RORA: variants seen among roughly 807,000 people sequenced by gnomAD.
The protein encoded by RORA is nuclear receptor ROR-alpha.
In RORA, 7 loss-of-function variants were observed where a neutral mutation model predicts 69.5. The observed-to-expected ratio is 0.10, with a 90% CI of 0.06 to 0.19. The LOEUF (loss-of-function observed/expected upper bound fraction) is 0.19, where lower values mean the gene tolerates loss of function less well. RORA is among the 10% of genes least tolerant of loss of function. The pLI, the probability that RORA is intolerant of heterozygous loss-of-function variation, is 1.00. For missense variants in RORA, 457 were observed against 663.0 expected (o/e 0.69, Z 3.41); for synonymous variants, 261 against 240.8 (o/e 1.08, Z -0.78).
intron 1 of RORA, among the ~76,000 whole-genome samples, chr15:61,091,030 G>A (rs1195566162): frequency 6.6e-6 from 1 of 152,168 alleles, no homozygotes. Flanking sequence ...GGTAACATCT[G>A]CTTCGGAAAC....
At chr15:60,677,849 C>T (rs1233992560) in intron 2 of RORA, among the ~76,000 whole-genome samples, 2 of 152,180 alleles carry the variant, frequency 1.3e-5, no homozygotes, top group Admixed American at 6.5e-5. Flanking sequence ...ATAGGTAGCA[C>T]GTATCCGTGG....
At chr15:60,793,095 G>A (rs1258636385) in intron 1 of RORA, among the ~76,000 whole-genome samples, 1 of 151,966 alleles carries the variant, frequency 6.6e-6, no homozygotes, top group East Asian at 1.9e-4. Flanking sequence ...GTGACCTTGG[G>A]CAAAAAGTTA....
chr15:60,724,817 C>T lies in RORA; in HGVS notation c.167-46131G>A, dbSNP rs2071336664. Among the ~76,000 whole-genome samples the T allele has an allele frequency of 2.0e-5, 3 of 152,146 alleles. No homozygotes were observed. The South Asian group carries it at 6.2e-4, about 32-fold the overall frequency. ...GTGGGTTGACTGAATGAATGAGGGT[C>T]CCACCACTTTCCGGTGAATACTGTG... is the stretch of plus-strand genomic sequence containing the variant. On this transcript the variant is annotated intron_variant, in intron 1 of 10. Transcript: ENST00000335670.
intron 1 of RORA, among the ~76,000 whole-genome samples, chr15:60,871,742 G>A (rs531713271): frequency 3.9e-5 from 6 of 152,126 alleles, no homozygotes; most frequent in Non-Finnish European, 7.3e-5. Context: ...CCACAACCAT[G>A]CATAATTAAA....
chr15:61,055,512 C>G (rs1044377390), intron 1 of RORA, among the ~76,000 whole-genome samples: 3 of 152,176 alleles, frequency 2.0e-5, no homozygotes, highest in Non-Finnish European at 4.4e-5. Context: ...CCTACAATGC[C>G]TTGCAGGTGT....
chr15:60,575,414 G>C (rs2067997076), intron 2 of RORA, among the ~76,000 whole-genome samples: 1 of 152,174 alleles, frequency 6.6e-6, no homozygotes, highest in East Asian at 1.9e-4. Flanking sequence ...CATAGGTCCA[G>C]TTTACCTCTG....
chr15:60,992,357 G>A (rs777907557), intron 1 of RORA, among the ~76,000 whole-genome samples: 3 of 151,620 alleles, frequency 2.0e-5, no homozygotes, highest in Middle Eastern at 3.4e-3. Context: ...CACTTACGGA[G>A]GGAAATCTAG....
intron 2 of RORA, among the ~76,000 whole-genome samples, chr15:60,539,775 G>A (rs1195910292): frequency 2.6e-5 from 4 of 151,602 alleles, no homozygotes; most frequent in South Asian, 2.1e-4. Flanking sequence ...ACAACAGAAC[G>A]TATTTGTTGT....
intron 1 of RORA, among the ~76,000 whole-genome samples, chr15:60,943,686 T>TG (rs1044979852): frequency 6.7e-6 from 1 of 149,532 alleles, no homozygotes; most frequent in Admixed American, 6.6e-5. Flanking sequence ...GAGGCTGAGG[T>TG]GGGGGGATTG....
At chr15:61,021,833 C>T (rs1290486124) in intron 1 of RORA, among the ~76,000 whole-genome samples, 1 of 152,204 alleles carries the variant, frequency 6.6e-6, no homozygotes, top group Non-Finnish European at 1.5e-5. Flanking sequence ...TATGAACATC[C>T]TACCTGCGGT....
intron 2 of RORA, among the ~76,000 whole-genome samples, chr15:60,609,842 C>G (rs1474418816): frequency 2.0e-5 from 3 of 152,108 alleles, no homozygotes; most frequent in Non-Finnish European, 4.4e-5. Flanking sequence ...GGCTGAATGG[C>G]TGGACTCTGT....
rs755386093 is a variant in RORA, at chr15:60,502,761, T to C, written c.1182A>G (p.Leu394=). The C allele has an allele frequency of 1.9e-5, 31 of 1,600,466 alleles. No homozygotes were observed. In the Admixed American group the frequency reaches 5.0e-4, roughly 26 times the overall value. The change falls in exon 8 of 11, where the codon TTA becomes TTG. Residue 394 remains leucine (L), a splice_region_variant and synonymous_variant. Coordinates refer to ENST00000335670, the MANE Select transcript of RORA (RefSeq NM_134261.3). The part of the protein sequence containing the change: ...KYASPDVFKS[L]GCEDFISFVF... ...AAAGGCACCTTGATATCCCCTTACC[T>C]AAGGATTTGAAGACGTCGGGGCTGG...
At chr15:61,013,256 G>A (rs1895148623) in intron 1 of RORA, among the ~76,000 whole-genome samples, 1 of 152,182 alleles carries the variant, frequency 6.6e-6, no homozygotes, top group South Asian at 2.1e-4. Context: ...ACATCTTCTT[G>A]TAAATAGAGT....
chr15:61,130,677 A>G (rs1369520878), intron 1 of RORA, among the ~76,000 whole-genome samples: 1 of 152,232 alleles, frequency 6.6e-6, no homozygotes, highest in Non-Finnish European at 1.5e-5. Flanking sequence ...TAAATGAGAA[A>G]AACACAGGTA....
intron 2 of RORA, among the ~76,000 whole-genome samples, chr15:60,604,578 C>T (rs1454676255): frequency 1.3e-5 from 2 of 152,162 alleles, no homozygotes; most frequent in Admixed American, 6.5e-5. Flanking sequence ...AGGAAACATA[C>T]CTGTCTTACT....
At chr15:60,503,317 A>G (rs2065388842) in intron 7 of RORA, among the ~76,000 whole-genome samples, 1 of 152,136 alleles carries the variant, frequency 6.6e-6, no homozygotes. Flanking sequence ...GTGACCTTCA[A>G]ATTAATCTTT....
intron 1 of RORA, among the ~76,000 whole-genome samples, chr15:60,978,959 C>CTTTTTTTTT (rs1555399125): frequency 2.0e-5 from 1 of 48,978 alleles, no homozygotes; most frequent in Non-Finnish European, 4.3e-5. Context: ...TCCAACTTTG[C>CTTTTTTTTT]TCTTTTTTTT....
In RORA at chr15:61,131,363, T is replaced by C. The variant is rs1235012945; in HGVS notation, c.166+97690A>G. On this transcript the variant is annotated intron_variant, in intron 1 of 10. Coordinates refer to ENST00000335670, the MANE Select transcript of RORA (RefSeq NM_134261.3). This position sits in a 1 kb window ranked among gnomAD's most constrained non-coding sequence, Gnocchi z 4.2. Reference sequence around the variant, plus strand: ...TCTGTAGAAAATAAATCTAGACTCTTTCATCAGAGACTTCTAGCAGATTTC... The same window carrying C: ...TCTGTAGAAAATAAATCTAGACTCTCTCATCAGAGACTTCTAGCAGATTTC... Among the ~76,000 whole-genome samples the C allele has an allele frequency of 6.6e-6, 1 of 152,244 alleles. No individual in the cohort carries two copies. Among genetic ancestry groups the C allele is most frequent in the East Asian group, 1.9e-4 (1 of 5,204 alleles).
intron 1 of RORA, among the ~76,000 whole-genome samples, chr15:60,940,015 T>A (rs1892644273): frequency 6.6e-6 from 1 of 152,230 alleles, no homozygotes. Flanking sequence ...TCATGTCAGC[T>A]TTGAGCCTTG....
Sources: allele counts gnomAD v4.1 joint callset (sites outside exome capture counted in the v4.1 genomes callset), GRCh38; gene constraint gnomAD v4.1.1; non-coding constraint Gnocchi (gnomAD v3.1); transcripts MANE v1.5; gene names NCBI Gene and HGNC (gene_info 2026-07-23, HGNC 2026-07-21).